Variants in DMXL1 observed in about 807,000 individuals in gnomAD.
The protein encoded by DMXL1 is Dmx like 1, also known as dmX-like protein 1.
Under a neutral mutation model 319.2 loss-of-function variants are expected in DMXL1, and 99 were observed. That is an observed-to-expected ratio of 0.31 (90% CI 0.26 to 0.37). DMXL1 has a LOEUF of 0.37. Ranked by LOEUF, DMXL1 falls within the 10% of genes least tolerant of loss-of-function variation. The pLI is 1.00. For synonymous variants in DMXL1, 1,385 were observed against 1,235.2 expected (o/e 1.12, Z -2.54); for missense variants, 3,745 against 3,595.6 (o/e 1.04, Z -1.06).
chr5:119,074,745 A>G (rs139458356), intron 1 of DMXL1, among the ~76,000 whole-genome samples: 144 of 152,294 alleles, frequency 9.5e-4, no homozygotes, highest in African/African-American at 3.2e-3. Flanking sequence ...TCTTTATTCT[A>G]TCATTAACCA....
chr5:119,225,250 A>C (rs1785327033), intron 38 of DMXL1, among the ~76,000 whole-genome samples: 1 of 152,076 alleles, frequency 6.6e-6, no homozygotes, highest in Admixed American at 6.5e-5. Context: ...TTTATGAGAC[A>C]CATTAATAGT....
chr5:119,222,204 G>A (rs1053803212), intron 37 of DMXL1, among the ~76,000 whole-genome samples: 4 of 152,028 alleles, frequency 2.6e-5, no homozygotes, highest in East Asian at 1.9e-4. Context: ...TTATTTACTC[G>A]TATTTAAACA....
At chr5:119,227,739 C>T (rs1027324538) in intron 38 of DMXL1, among the ~76,000 whole-genome samples, 7 of 152,022 alleles carry the variant, frequency 4.6e-5, no homozygotes, top group Admixed American at 1.3e-4. Context: ...CTTGGTAATA[C>T]GACCGATGTT....
chr5:119,222,844 G>A (rs1372207125), intron 37 of DMXL1, among the ~76,000 whole-genome samples: 1 of 151,880 alleles, frequency 6.6e-6, no homozygotes, highest in Non-Finnish European at 1.5e-5. Context: ...TAAGCTCATG[G>A]TTATGTCAGG....
rs544823674 is a variant in DMXL1 at position 119,133,209 on chromosome 5, T to C, written c.1393T>C (p.Ser465Pro). The change falls in exon 11 of 44, where the codon TCA (serine) becomes CCA (proline). Residue 465 changes from serine to proline, a missense_variant. Around this residue, in one of 4 missense-constraint regions of DMXL1, gnomAD observed 2,096 missense variants for 1,985.4 expected, o/e 1.06. Coordinates refer to ENST00000539542, the MANE Select transcript of DMXL1 (RefSeq NM_001290321.3). ...ELGCDKMVPN[S>P]SFTSLSSAAI... is the part of the protein sequence containing the mutation. Reference sequence around the variant, plus strand: ...AGGCTGTGATAAAATGGTACCAAACTCAAGTTTTACATCATTATCGTCAGC... The same window carrying C: ...AGGCTGTGATAAAATGGTACCAAACCCAAGTTTTACATCATTATCGTCAGC... The C allele has an allele frequency of 2.5e-6, 4 of 1,614,176 alleles. No homozygotes were observed. The South Asian group carries it at 3.3e-5, about 13-fold the overall frequency.
intron 38 of DMXL1, among the ~76,000 whole-genome samples, chr5:119,229,142 C>G (rs1232294456): frequency 2.0e-5 from 3 of 147,970 alleles, no homozygotes; most frequent in African/African-American, 7.5e-5. Flanking sequence ...TAGGGAGACC[C>G]CATTCTCCAC....
chr5:119,179,485 C>A (rs1776423757), intron 28 of DMXL1, among the ~76,000 whole-genome samples: 2 of 151,734 alleles, frequency 1.3e-5, no homozygotes, highest in South Asian at 4.2e-4. Context: ...TGGTGAGGGA[C>A]ATGAGAGAAT....
intron 10 of DMXL1, 127 bp from the exon 11 acceptor site, chr5:119,133,004 AC>A: frequency 2.1e-6 from 2 of 940,128 alleles, no homozygotes; most frequent in Non-Finnish European, 3.2e-6. Context: ...CGGAAGGGGT[AC>A]AGAGCTTCCA....
intron 30 of DMXL1, among the ~76,000 whole-genome samples, 186 bp from the exon 31 acceptor site, chr5:119,196,185 A>T (rs531831271): frequency 6.6e-6 from 1 of 152,270 alleles, no homozygotes; most frequent in African/African-American, 2.4e-5. Flanking sequence ...AATTTTGGTT[A>T]TTTCTACACT....
chr5:119,147,053 T>C (rs1768715521), intron 16 of DMXL1, 97 bp downstream of exon 16: 1 of 1,378,704 alleles, frequency 7.3e-7, no homozygotes, highest in Admixed American at 2.2e-5. Flanking sequence ...TTAAAGCCAT[T>C]CTCATTAAAT....
chr5:119,211,686 AT>A (rs1314200031), intron 34 of DMXL1, among the ~76,000 whole-genome samples: 1 of 152,150 alleles, frequency 6.6e-6, no homozygotes, highest in Non-Finnish European at 1.5e-5. Context: ...TGCCTTCGGC[AT>A]TCTTTAGATA....
chr5:119,243,585 T>A (rs1789212538), intron 42 of DMXL1, among the ~76,000 whole-genome samples: 1 of 152,176 alleles, frequency 6.6e-6, no homozygotes, highest in Admixed American at 6.5e-5. Context: ...TACTGCTGTG[T>A]CTTCAAATTC....
chr5:119,133,027 G>T, intron 10 of DMXL1, 105 bp from the exon 11 acceptor site: 1 of 1,262,412 alleles, frequency 7.9e-7, no homozygotes, highest in Non-Finnish European at 1.1e-6. Context: ...GCTCTCCTTA[G>T]GCATGAGATC....
At chr5:119,221,275 A>G (rs975999344) in intron 37 of DMXL1, among the ~76,000 whole-genome samples, 194 bp downstream of exon 37, 1 of 152,202 alleles carries the variant, frequency 6.6e-6, no homozygotes, top group African/African-American at 2.4e-5. Flanking sequence ...AATTGTTTTA[A>G]AAATATACTT....
At chr5:119,072,632 C>G (rs925322772) in intron 1 of DMXL1, among the ~76,000 whole-genome samples, 2 of 152,164 alleles carry the variant, frequency 1.3e-5, no homozygotes, top group African/African-American at 4.8e-5. Flanking sequence ...AATTTCTAAT[C>G]TTTTTCTCTG....
At chr5:119,230,594 A>G (rs1267485962) in intron 38 of DMXL1, among the ~76,000 whole-genome samples, 1 of 152,172 alleles carries the variant, frequency 6.6e-6, no homozygotes, top group African/African-American at 2.4e-5. Flanking sequence ...TATAAAAAGG[A>G]TATCTGGGCC....
chr5:119,136,885 T>A (rs1172871712), intron 13 of DMXL1, among the ~76,000 whole-genome samples: 2 of 152,272 alleles, frequency 1.3e-5, no homozygotes, highest in East Asian at 3.8e-4. Flanking sequence ...GGAAAACTTC[T>A]ACTAGGGCAA....
intron 13 of DMXL1, among the ~76,000 whole-genome samples, chr5:119,142,346 A>G (rs1309088769): frequency 2.0e-5 from 3 of 152,076 alleles, no homozygotes; most frequent in Non-Finnish European, 4.4e-5. Context: ...TTTACAAGAG[A>G]AAAACAGCTC....
intron 30 of DMXL1, among the ~76,000 whole-genome samples, chr5:119,195,686 C>T (rs953212603): frequency 6.6e-6 from 1 of 152,000 alleles, no homozygotes; most frequent in South Asian, 2.1e-4. Flanking sequence ...TACTTAATGC[C>T]CCTGAACTAT....
Sources: gnomAD v4.1 joint callset for allele counts (sites outside exome capture counted in the v4.1 genomes callset) on GRCh38, gnomAD v4.1.1 for gene constraint, gnomAD v4.1.1 regional missense constraint, MANE v1.5 for transcripts, NCBI Gene and HGNC (gene_info 2026-07-23, HGNC 2026-07-21) for gene names.